Variants in SCFD1 observed in about 807,000 individuals in gnomAD.
SCFD1 encodes sec1 family domain-containing protein 1.
SCFD1 carries 37 observed loss-of-function variants against 103.2 expected under a neutral mutation model. That is an observed-to-expected ratio of 0.36 (90% CI 0.28 to 0.47). The LOEUF (loss-of-function observed/expected upper bound fraction) is 0.47, where lower values mean the gene tolerates loss of function less well. Among genes scored for constraint, SCFD1 ranks in the 20% least tolerant of loss-of-function variants. SCFD1 has a pLI of 1.00. For synonymous variants in SCFD1, 264 were observed against 245.0 expected (o/e 1.08, Z -0.73); for missense variants, 639 against 761.2 (o/e 0.84, Z 1.89).
intron 19 of SCFD1, among the ~76,000 whole-genome samples, chr14:30,710,225 A>T: frequency 6.6e-6 from 1 of 151,690 alleles, no homozygotes; most frequent in Admixed American, 6.6e-5. Flanking sequence ...CAAATAACAT[A>T]CCACTTTGAC....
chr14:30,650,600 T>G lies in SCFD1; in HGVS notation c.705T>G (p.Asp235Glu). ...LDKKLRENLR[D>E]ARNSLFTGDT... ...AGAAACTTCGAGAAAATCTAAGAGA[T>G]GCAAGAAACAGTCTTTTTACAGGTG... The change falls in exon 9 of 25, where the codon GAT becomes GAG. Residue 235 changes from aspartate to glutamate, a missense_variant. By Grantham distance (45) the Asp-to-Glu change is conservative. Coordinates refer to ENST00000458591, the MANE Select transcript of SCFD1 (RefSeq NM_016106.4). 1 of 1,610,672 alleles carries G rather than the reference T, an allele frequency of 6.2e-7. No individual in the cohort carries two copies. Among genetic ancestry groups the G allele is most frequent in the Non-Finnish European group, 8.5e-7 (1 of 1,177,344 alleles).
Position 30,670,176 on chromosome 14 carries a change from A to G in SCFD1, c.856-80A>G. The stretch of plus-strand genomic sequence containing the variant: ...TTTCAGATCTATATTTTGTCCTTGG[A>G]AACATTAGAAAGGGCAACAAGATTC... On this transcript the variant is annotated intron_variant, in intron 10 of 24. Transcript: ENST00000458591. 1.0e-5 allele frequency: 12 copies of G among 1,144,894 alleles called. No homozygotes were observed. The South Asian group carries it at 1.7e-4, about 16-fold the overall frequency. 70.9% of individuals were successfully genotyped at this position (1,144,894 alleles called of 1,614,324 possible).
intron 14 of SCFD1, among the ~76,000 whole-genome samples, chr14:30,679,941 T>G (rs1190233937): frequency 6.6e-6 from 1 of 152,210 alleles, no homozygotes; most frequent in Non-Finnish European, 1.5e-5. Context: ...ACTTGTCTTT[T>G]ATCTCTTCTC....
chr14:30,730,308 G>T (rs140260967), intron 23 of SCFD1, among the ~76,000 whole-genome samples: 1 of 151,672 alleles, frequency 6.6e-6, no homozygotes, highest in Non-Finnish European at 1.5e-5. Flanking sequence ...GAATAGTGCC[G>T]CAATAAACAT....
At chr14:30,657,711 T>G (rs1887044060) in intron 10 of SCFD1, among the ~76,000 whole-genome samples, 1 of 152,236 alleles carries the variant, frequency 6.6e-6, no homozygotes, top group South Asian at 2.1e-4. Context: ...CTAAACCTGC[T>G]ACTTTTGAAG....
intron 7 of SCFD1, among the ~76,000 whole-genome samples, chr14:30,647,154 C>T (rs1347022215): frequency 6.6e-6 from 1 of 152,030 alleles, no homozygotes; most frequent in Non-Finnish European, 1.5e-5. Flanking sequence ...GCTTTACTAT[C>T]ACTAATGGAT....
rs367895351 is a variant in SCFD1 at position 30,673,358 on chromosome 14, A to G, written c.1086+11A>G. On this transcript the variant is annotated intron_variant, in intron 12 of 24. Transcript: ENST00000458591. ...CTTAAAAGCATTATGGTAAGATTCT[A>G]TTTGCTTTCTAAGAATTATAGGAAA... The G allele has an allele frequency of 1.1e-5, 15 of 1,403,758 alleles. No homozygotes were observed. Among genetic ancestry groups the G allele is most frequent in the Admixed American group, 9.2e-5 (5 of 54,088 alleles). 87.0% of individuals were successfully genotyped at this position (1,403,758 alleles called of 1,614,324 possible).
intron 5 of SCFD1, 108 bp from the exon 6 acceptor site, chr14:30,639,669 T>A: frequency 1.7e-6 from 2 of 1,163,806 alleles, no homozygotes; most frequent in Non-Finnish European, 2.3e-6. Flanking sequence ...TTGAATGTAA[T>A]TAGGATTTTT....
chr14:30,694,704 T>A, intron 14 of SCFD1, 69 bp from the exon 15 acceptor site: 1 of 1,489,872 alleles, frequency 6.7e-7, no homozygotes, highest in Non-Finnish European at 8.9e-7. Context: ...TAGAAACTTA[T>A]AAGGTGAGTA....
At chr14:30,627,904 A>G (rs1170722316) in intron 1 of SCFD1, among the ~76,000 whole-genome samples, 1 of 151,454 alleles carries the variant, frequency 6.6e-6, no homozygotes, top group Non-Finnish European at 1.5e-5. Context: ...TTTCAGCCAG[A>G]CAGTACACAG....
At chr14:30,669,289 A>G (rs1888315219) in intron 10 of SCFD1, among the ~76,000 whole-genome samples, 1 of 152,096 alleles carries the variant, frequency 6.6e-6, no homozygotes, top group Admixed American at 6.6e-5. Flanking sequence ...CCTTAGAACT[A>G]AGATAATTAT....
intron 15 of SCFD1, among the ~76,000 whole-genome samples, chr14:30,697,127 C>T (rs1295540948): frequency 6.6e-6 from 1 of 152,098 alleles, no homozygotes; most frequent in Non-Finnish European, 1.5e-5. Flanking sequence ...GGCCTGGGAG[C>T]AGCAATGCCC....
chr14:30,674,626 C>T lies in SCFD1; in HGVS notation c.1161-358C>T, dbSNP rs139463423. ...TAGCACCATTGCACTCCAGCCCAGG[C>T]GACAGAGACTCTGTCTCAAAAAAAA... On this transcript the variant is annotated intron_variant, in intron 13 of 24. Coordinates refer to ENST00000458591, the MANE Select transcript of SCFD1 (RefSeq NM_016106.4). Among the ~76,000 whole-genome samples, 1,123 of 150,856 alleles carry T rather than the reference C, an allele frequency of 7.4e-3. 3 individuals are homozygous for T. Among genetic ancestry groups the T allele is most frequent in the Middle Eastern group, 0.014 (4 of 286 alleles).
chr14:30,626,873 G>A (rs933684284), intron 1 of SCFD1, among the ~76,000 whole-genome samples: 3 of 152,236 alleles, frequency 2.0e-5, no homozygotes, highest in African/African-American at 7.2e-5. Flanking sequence ...AGTTTTAACA[G>A]CATTATACCT....
At chr14:30,710,234 A>G (rs1891769996) in intron 19 of SCFD1, among the ~76,000 whole-genome samples, 2 of 151,606 alleles carry the variant, frequency 1.3e-5, no homozygotes, top group African/African-American at 4.8e-5. Context: ...TACCACTTTG[A>G]CATAGGCAGT....
chr14:30,650,119 C>T (rs1886257065), intron 8 of SCFD1, among the ~76,000 whole-genome samples: 1 of 152,180 alleles, frequency 6.6e-6, no homozygotes, highest in East Asian at 1.9e-4. Context: ...AAGTGAATTA[C>T]TGACTGGTGG....
chr14:30,702,299 G>C lies in SCFD1; in HGVS notation c.1414G>C (p.Asp472His), dbSNP rs1891134339. 5.7e-6 allele frequency: 9 copies of C among 1,592,290 alleles called. No homozygotes were observed. Among genetic ancestry groups the C allele is most frequent in the Non-Finnish European group, 7.7e-6 (9 of 1,167,796 alleles). ...TATAGTTCTTTTCTTATTTCAGGCT[G>C]ATTTGGAGCAATATAAAAAAGCTTT... is the stretch of plus-strand genomic sequence containing the variant. ...ISTQQAPSEA[D>H]LEQYKKALTD... Residue 472 changes from aspartate to histidine, a missense_variant, in exon 17 of 25, where the codon GAT becomes CAT. Asp to His is a moderately conservative substitution (Grantham distance 81). Coordinates refer to ENST00000458591, the MANE Select transcript of SCFD1 (RefSeq NM_016106.4).
intron 10 of SCFD1, among the ~76,000 whole-genome samples, chr14:30,661,177 T>G (rs1000616817): frequency 2.6e-5 from 4 of 152,164 alleles, no homozygotes; most frequent in African/African-American, 7.2e-5. Context: ...GACTGTTGAC[T>G]TTGCACACAA....
intron 4 of SCFD1, among the ~76,000 whole-genome samples, chr14:30,637,006 AT>A (rs1462204775): frequency 2.0e-5 from 3 of 152,038 alleles, no homozygotes; most frequent in African/African-American, 7.2e-5. Context: ...TCAGCCCAGG[AT>A]TCAGACATTT....
Sources: gnomAD v4.1 joint callset for allele counts (sites outside exome capture counted in the v4.1 genomes callset) on GRCh38, gnomAD v4.1.1 for gene constraint, MANE v1.5 for transcripts, NCBI Gene and HGNC (gene_info 2026-07-23, HGNC 2026-07-21) for gene names.